The following TRAP1 variants were observed in gnomAD, a reference collection of about 807,000 sequenced individuals.
TRAP1 encodes the protein heat shock protein 75 kDa, mitochondrial.
A neutral mutation model predicts 89.1 loss-of-function variants in TRAP1; 102 were observed. The observed-to-expected ratio is 1.15, with a 90% CI of 0.98 to 1.35. The LOEUF (loss-of-function observed/expected upper bound fraction) is 1.35. Ranked by LOEUF, TRAP1 falls within the 40% of genes most tolerant of loss-of-function variation. The pLI, the probability that TRAP1 is intolerant of heterozygous loss-of-function variation, is 0.00. For synonymous variants in TRAP1, 508 were observed against 388.0 expected (o/e 1.31, Z -3.64); for missense variants, 1,256 against 945.3 (o/e 1.33, Z -4.31).
At chr16:3,685,885 G>C (rs2051131675) in intron 4 of TRAP1, 111 bp downstream of exon 4, 3 of 1,312,512 alleles carry the variant, frequency 2.3e-6, no homozygotes, top group Non-Finnish European at 3.2e-6. Flanking sequence ...GAGTTATCCT[G>C]GTGGTACGGA....
intron 3 of TRAP1, among the ~76,000 whole-genome samples, chr16:3,688,298 G>A (rs1463006873): frequency 6.6e-6 from 1 of 151,912 alleles, no homozygotes; most frequent in Non-Finnish European, 1.5e-5. Flanking sequence ...ACCGCACCTG[G>A]CCCCAAATGC....
intron 9 of TRAP1, among the ~76,000 whole-genome samples, chr16:3,673,285 C>T (rs1461219522): frequency 2.0e-5 from 3 of 152,226 alleles, no homozygotes; most frequent in African/African-American, 4.8e-5. Context: ...CTACGCAGCT[C>T]ATGGGACCCG....
At chr16:3,687,785 T>C (rs1398263236) in intron 3 of TRAP1, among the ~76,000 whole-genome samples, 6 of 145,776 alleles carry the variant, frequency 4.1e-5, no homozygotes, top group Admixed American at 6.9e-5. Flanking sequence ...GAGGCGGAGG[T>C]TGCAGCGAGC....
intron 15 of TRAP1, chr16:3,662,492 G>A (rs1025813555): frequency 3.9e-6 from 2 of 519,260 alleles, no homozygotes; most frequent in African/African-American, 1.9e-5. Context: ...CAGGTTGGTG[G>A]GGGGAGTCTT....
intron 1 of TRAP1, among the ~76,000 whole-genome samples, chr16:3,697,883 G>A (rs2151275214): frequency 6.6e-6 from 1 of 151,564 alleles, no homozygotes; most frequent in South Asian, 2.1e-4. Flanking sequence ...CTGCCTCCCA[G>A]GTTCAAGCAA....
At chr16:3,677,826 T>A in intron 5 of TRAP1, 168 bp from the exon 6 acceptor site, 1 of 750,480 alleles carries the variant, frequency 1.3e-6, no homozygotes, top group Non-Finnish European at 2.1e-6. Context: ...CACAGAGAGG[T>A]GACACATTAG....
chr16:3,682,033 G>C (rs1342114313), intron 4 of TRAP1, among the ~76,000 whole-genome samples: 1 of 152,166 alleles, frequency 6.6e-6, no homozygotes, highest in Admixed American at 6.6e-5. Flanking sequence ...GAACCAAACA[G>C]AGCACAGGAA....
chr16:3,681,034 ACCATGGGCT>A (rs956106521), intron 4 of TRAP1, among the ~76,000 whole-genome samples: 2 of 152,070 alleles, frequency 1.3e-5, no homozygotes, highest in African/African-American at 4.8e-5. Flanking sequence ...GGCCTTACTG[ACCATGGGCT>A]CCTCCTTCCT....
intron 15 of TRAP1, chr16:3,662,489 G>A: frequency 1.9e-6 from 1 of 519,884 alleles, no homozygotes; most frequent in Non-Finnish European, 3.5e-6. Context: ...AGACAGGTTG[G>A]TGGGGGGAGT....
At chr16:3,714,125 G>A (rs1240075289) in intron 1 of TRAP1, among the ~76,000 whole-genome samples, 3 of 152,118 alleles carry the variant, frequency 2.0e-5, no homozygotes, top group South Asian at 4.1e-4. Flanking sequence ...GGCCCAAATC[G>A]CTCCTCATCT....
At chr16:3,677,381 A>T in intron 6 of TRAP1, 117 bp downstream of exon 6, 8 of 1,381,286 alleles carry the variant, frequency 5.8e-6, no homozygotes, top group Non-Finnish European at 7.0e-6. Context: ...GTCAGATTTC[A>T]TATAAAAAGC....
intron 1 of TRAP1, among the ~76,000 whole-genome samples, chr16:3,694,881 G>A (rs2051265536): frequency 6.6e-6 from 1 of 152,118 alleles, no homozygotes; most frequent in South Asian, 2.1e-4. Context: ...TCACAGTCCT[G>A]GAAGCAAGAA....
At chr16:3,704,358 T>G (rs186629000) in intron 1 of TRAP1, 1 of 152,236 alleles carries the variant, frequency 6.6e-6, no homozygotes, top group African/African-American at 2.4e-5. Flanking sequence ...AACAAAACGT[T>G]GCATTATAAA....
intron 11 of TRAP1, among the ~76,000 whole-genome samples, chr16:3,669,676 T>C (rs966050955): frequency 6.6e-6 from 1 of 150,772 alleles, no homozygotes; most frequent in Non-Finnish European, 1.5e-5. Flanking sequence ...CTACTAAATA[T>C]ACAAAAAATT....
At chr16:3,667,114 G>C (rs2050843671) in intron 11 of TRAP1, among the ~76,000 whole-genome samples, 1 of 152,128 alleles carries the variant, frequency 6.6e-6, no homozygotes, top group Admixed American at 6.5e-5. Context: ...GCGGTGCAGA[G>C]CCCAGGGAAG....
At chr16:3,664,085 A>C in intron 13 of TRAP1, 189 bp downstream of exon 13, 3 of 608,392 alleles carry the variant, frequency 4.9e-6, no homozygotes, top group Non-Finnish European at 8.0e-6. Flanking sequence ...AACAAACAAA[A>C]AAAACCACAT....
chr16:3,696,040 G>A (rs2051282726), intron 1 of TRAP1, among the ~76,000 whole-genome samples: 1 of 152,178 alleles, frequency 6.6e-6, no homozygotes, highest in South Asian at 2.1e-4. Flanking sequence ...ACTGACGCGT[G>A]ACAGGGCCCA....
At chr16:3,667,733 A>G (rs929348348) in intron 11 of TRAP1, among the ~76,000 whole-genome samples, 3 of 151,328 alleles carry the variant, frequency 2.0e-5, no homozygotes, top group East Asian at 1.9e-4. Flanking sequence ...AATAAATTAT[A>G]AATAGTATAA....
At position 3,706,868 on chromosome 16, in the gene TRAP1, TGTCTACAAG is replaced by T. The variant is rs572665753; in HGVS notation, c.88+10544_88+10552del. Among the ~76,000 whole-genome samples the T allele has an allele frequency of 2.8e-3, 429 of 152,274 alleles. 3 individuals carry two copies. Among genetic ancestry groups the T allele is most frequent in the Middle Eastern group, 0.014 (4 of 294 alleles). On this transcript the variant is annotated intron_variant, in intron 1 of 17. Transcript: ENST00000246957. ...AGGCTGTTCTGTGGACATGTTTTCA[TGTCTACAAG>T]GTATGTGCCTCAGGGTAGAACTGTG...
Sources: gnomAD v4.1 joint callset for allele counts (sites outside exome capture counted in the v4.1 genomes callset) on GRCh38, gnomAD v4.1.1 for gene constraint, MANE v1.5 for transcripts, NCBI Gene and HGNC (gene_info 2026-07-23, HGNC 2026-07-21) for gene names.